The following ASTN2 variants were observed in gnomAD, a reference collection of about 807,000 sequenced individuals.
ASTN2 encodes astrotactin 2.
Under a neutral mutation model 139.8 loss-of-function variants are expected in ASTN2, and 54 were observed. The observed-to-expected ratio is 0.39, with a 90% CI of 0.31 to 0.48. The LOEUF (loss-of-function observed/expected upper bound fraction) is 0.48. Among genes scored for constraint, ASTN2 ranks in the 20% least tolerant of loss-of-function variants. The pLI is 0.95. For synonymous variants in ASTN2, 756 were observed against 719.5 expected (o/e 1.05, Z -0.81); for missense variants, 1,565 against 1,725.1 (o/e 0.91, Z 1.64).
intron 2 of ASTN2, among the ~76,000 whole-genome samples, chr9:117,225,707 G>A (rs1832692314): frequency 6.6e-6 from 1 of 151,044 alleles, no homozygotes; most frequent in East Asian, 2.0e-4. Flanking sequence ...CCAGTAATGG[G>A]ACCTTGGGAC....
intron 10 of ASTN2, among the ~76,000 whole-genome samples, chr9:116,884,145 C>G (rs1221587160): frequency 1.3e-5 from 2 of 152,032 alleles, no homozygotes; most frequent in Non-Finnish European, 2.9e-5. Flanking sequence ...TGGTGAATTC[C>G]ATCCCACAGC....
At chr9:117,274,080 G>T (rs1415818107) in intron 2 of ASTN2, among the ~76,000 whole-genome samples, 1 of 152,178 alleles carries the variant, frequency 6.6e-6, no homozygotes, top group Non-Finnish European at 1.5e-5. Flanking sequence ...GTCTGGTGTG[G>T]TAGCTCACGC....
chr9:116,982,876 G>T (rs1000190298), intron 7 of ASTN2, among the ~76,000 whole-genome samples: 1 of 152,152 alleles, frequency 6.6e-6, no homozygotes, highest in Non-Finnish European at 1.5e-5. Flanking sequence ...TGTGTCCATG[G>T]CAGCCCCTGC....
intron 10 of ASTN2, among the ~76,000 whole-genome samples, chr9:116,885,987 C>T (rs1833586551): frequency 6.6e-6 from 1 of 152,200 alleles, no homozygotes; most frequent in Admixed American, 6.5e-5. Flanking sequence ...TTCTTTATGT[C>T]AAAGGGGCAG....
intron 19 of ASTN2, among the ~76,000 whole-genome samples, chr9:116,528,539 A>AT (rs1279822563): frequency 5.9e-5 from 9 of 152,190 alleles, no homozygotes; most frequent in Admixed American, 4.6e-4. Context: ...AGAAAAACCC[A>AT]TTTTTTGCAG....
chr9:117,149,575 G>A (rs1057257730), intron 3 of ASTN2, among the ~76,000 whole-genome samples: 4 of 152,022 alleles, frequency 2.6e-5, no homozygotes, highest in African/African-American at 9.7e-5. Flanking sequence ...GATAAGAGAA[G>A]ACATCTTAGT....
At chr9:116,465,433 A>G (rs963998435) in intron 20 of ASTN2, among the ~76,000 whole-genome samples, 1 of 152,176 alleles carries the variant, frequency 6.6e-6, no homozygotes, top group Non-Finnish European at 1.5e-5. Context: ...AAGCTCTCAG[A>G]GACGTAAGGC....
chr9:116,501,031 C>T (rs976353167), intron 19 of ASTN2, among the ~76,000 whole-genome samples: 1 of 152,162 alleles, frequency 6.6e-6, no homozygotes, highest in Non-Finnish European at 1.5e-5. Context: ...ACTTCCCTCC[C>T]TTTTCTAAAT....
intron 1 of ASTN2, among the ~76,000 whole-genome samples, chr9:117,362,586 T>C (rs1829723409): frequency 6.6e-6 from 1 of 152,130 alleles, no homozygotes; most frequent in Non-Finnish European, 1.5e-5. Context: ...CTTTCTCAAA[T>C]CAATGTTCCC....
chr9:117,278,175 T>C (rs1033237925), intron 2 of ASTN2, among the ~76,000 whole-genome samples: 1 of 152,178 alleles, frequency 6.6e-6, no homozygotes, highest in African/African-American at 2.4e-5. Flanking sequence ...ATTGAATTAA[T>C]GGAAGAATTA....
chr9:117,153,484 C>A (rs777519931), intron 3 of ASTN2, among the ~76,000 whole-genome samples: 35 of 152,120 alleles, frequency 2.3e-4, no homozygotes, highest in Non-Finnish European at 4.4e-4. Flanking sequence ...CTGACTGAAA[C>A]ACAACCCTTC....
chr9:116,438,209 A>C lies in ASTN2; in HGVS notation c.3782+2400T>G, dbSNP rs577257327. On this transcript the variant is annotated intron_variant, in intron 22 of 22. Transcript: ENST00000313400. ...ATGCTGTCTTCCTGGGACTATTATC[A>C]CAACAGCCTCTAGAGCCTCACTGCC... Among the ~76,000 whole-genome samples, 8 of 152,284 alleles carry C rather than the reference A, an allele frequency of 5.3e-5. No homozygotes were observed. The East Asian group carries it at 1.5e-3, about 29-fold the overall frequency.
chr9:116,702,264 C>CATAAATGA (rs1827845389), intron 16 of ASTN2, among the ~76,000 whole-genome samples: 1 of 151,896 alleles, frequency 6.6e-6, no homozygotes, highest in Admixed American at 6.6e-5. Context: ...TGGAATATTC[C>CATAAATGA]ATAAATGATG....
At chr9:116,948,788 T>G (rs917162983) in intron 10 of ASTN2, among the ~76,000 whole-genome samples, 5 of 36,642 alleles carry the variant, frequency 1.4e-4, no homozygotes, top group Admixed American at 1.1e-3. Flanking sequence ...ATTTGGTGTT[T>G]TTTTTTTTTT....
intron 5 of ASTN2, among the ~76,000 whole-genome samples, chr9:117,047,792 T>TTTG (rs1838787661): frequency 6.6e-6 from 1 of 152,086 alleles, no homozygotes; most frequent in African/African-American, 2.4e-5. Flanking sequence ...GTACTTTGTA[T>TTTG]AGATTTGTTT....
At chr9:117,201,383 CTGATT>C (rs770830486) in intron 3 of ASTN2, among the ~76,000 whole-genome samples, 20 of 151,004 alleles carry the variant, frequency 1.3e-4, no homozygotes, top group Non-Finnish European at 2.7e-4. Context: ...CAATTCTTCT[CTGATT>C]TTAGTTTGCT....
rs905787845 is a variant in ASTN2, at chr9:116,639,185, A to T, written c.3072+12343T>A. On this transcript the variant is annotated intron_variant, in intron 17 of 22. Coordinates refer to ENST00000313400, the MANE Select transcript of ASTN2 (RefSeq NM_001365068.1). ...CTGGGATTTAACAGTGCTCTCCCAA[A>T]TGGGATAATTTGGAGATGAAGCTAA... Among the ~76,000 whole-genome samples the T allele has an allele frequency of 9.2e-5, 14 of 152,210 alleles. 1 individual carries two copies. The highest frequency in any genetic ancestry group is 3.4e-4 in the African/African-American group (14 of 41,456).
intron 1 of ASTN2, among the ~76,000 whole-genome samples, chr9:117,398,549 A>G (rs1230135684): frequency 1.3e-5 from 2 of 152,154 alleles, no homozygotes; most frequent in Non-Finnish European, 2.9e-5. Flanking sequence ...TTTTATCAAT[A>G]TCTCTGTGCC....
intron 5 of ASTN2, among the ~76,000 whole-genome samples, chr9:117,048,767 A>G (rs560756434): frequency 6.6e-6 from 1 of 152,274 alleles, no homozygotes; most frequent in East Asian, 1.9e-4. Flanking sequence ...TCCCCAATAG[A>G]CAAATGAGAA....
Sources: allele counts gnomAD v4.1 joint callset (sites outside exome capture counted in the v4.1 genomes callset), GRCh38; gene constraint gnomAD v4.1.1; transcripts MANE v1.5; gene names NCBI Gene and HGNC (gene_info 2026-07-23, HGNC 2026-07-21).